MCM3: variants seen among roughly 807,000 people sequenced by gnomAD.
MCM3 encodes the protein minichromosome maintenance complex component 3, also known as DNA replication licensing factor MCM3.
A neutral mutation model predicts 91.3 loss-of-function variants in MCM3; 59 were observed. That is an observed-to-expected ratio of 0.65 (90% CI 0.52 to 0.80). The LOEUF (loss-of-function observed/expected upper bound fraction) is 0.80, where lower values mean the gene tolerates loss of function less well. MCM3 is among the 30% of genes least tolerant of loss of function. The pLI is 0.00. For missense variants in MCM3, 919 were observed against 1,035.4 expected (o/e 0.89, Z 1.54); for synonymous variants, 383 against 379.6 (o/e 1.01, Z -0.10).
intron 4 of MCM3, among the ~76,000 whole-genome samples, chr6:52,280,505 A>G (rs548960436): frequency 1.6e-4 from 25 of 152,322 alleles, no homozygotes; most frequent in Admixed American, 1.4e-3. Context: ...ACTAGGAGAG[A>G]TTAAGTAAGT....
At chr6:52,284,464 G>T in intron 1 of MCM3, 133 bp downstream of exon 1, 3 of 723,270 alleles carry the variant, frequency 4.1e-6, no homozygotes, top group Non-Finnish European at 6.6e-6. Context: ...ACAAGATTGG[G>T]GCTGGAGGCT....
chr6:52,265,041 G>A (rs1394806352), intron 16 of MCM3, among the ~76,000 whole-genome samples: 1 of 152,142 alleles, frequency 6.6e-6, no homozygotes, highest in Non-Finnish European at 1.5e-5. Flanking sequence ...GTCAATGCGG[G>A]ACAATTTAAC....
In MCM3 at chr6:52,277,589, G is replaced by A. The variant is rs776800669; in HGVS notation, c.979C>T (p.Arg327Ter). ...ATGTGGCTGCCATTTTCTAGGTCTCGTTCCACCCCTCCCAAGAGCAAGCAG... is the reference window on the plus strand; with the variant it reads ...ATGTGGCTGCCATTTTCTAGGTCTCATTCCACCCCTCCCAAGAGCAAGCAG... Reference protein sequence around the residue: ...ILCLLLGGVERDLENGSHIRG... With the variant: ...ILCLLLGGVE Residue 327 changes from arginine (R) to a stop codon, truncating the protein, a stop_gained, in exon 7 of 17, where the codon CGA (arginine) becomes TGA (stop). Coordinates refer to ENST00000596288, the MANE Select transcript of MCM3 (RefSeq NM_002388.6). LOFTEE classifies it high-confidence loss of function. The A allele has an allele frequency of 5.0e-6, 8 of 1,613,908 alleles. No individual in the cohort carries two copies. Among genetic ancestry groups the A allele is most frequent in the East Asian group, 2.2e-5 (1 of 44,864 alleles).
At chr6:52,266,566 G>T in intron 15 of MCM3, 45 bp downstream of exon 15, 1 of 1,550,282 alleles carries the variant, frequency 6.5e-7, no homozygotes, top group South Asian at 1.1e-5. Flanking sequence ...AAAAGTCCAA[G>T]AGTCACAGGA....
At chr6:52,268,484 T>C (rs944006347) in intron 13 of MCM3, among the ~76,000 whole-genome samples, 1 of 151,746 alleles carries the variant, frequency 6.6e-6, no homozygotes, top group African/African-American at 2.4e-5. Context: ...CAAGGAAGAG[T>C]TTATTAGACT....
In MCM3 at chr6:52,284,512, G is replaced by A. The variant is rs1298371407; in HGVS notation, c.78+85C>T. ...GCTCCGCTGCGGCACACGGTCTGGA[G>A]GTCTGGCGGGCCTCTGGCTTCCCGG... On this transcript the variant is annotated intron_variant, in intron 1 of 16. Coordinates refer to ENST00000596288, the MANE Select transcript of MCM3 (RefSeq NM_002388.6). The A allele has an allele frequency of 6.2e-6, 8 of 1,282,328 alleles. No homozygotes were observed. The South Asian group carries it at 7.9e-5, about 13-fold the overall frequency. 79.4% of individuals were successfully genotyped at this position (1,282,328 alleles called of 1,614,324 possible).
intron 16 of MCM3, among the ~76,000 whole-genome samples, chr6:52,265,574 A>T (rs1764580493): frequency 6.6e-6 from 1 of 152,140 alleles, no homozygotes; most frequent in African/African-American, 2.4e-5. Flanking sequence ...TGTGTTTCAA[A>T]TTTTTTTCAG....
At chr6:52,279,233 C>A in intron 5 of MCM3, 128 bp downstream of exon 5, 1 of 770,590 alleles carries the variant, frequency 1.3e-6, no homozygotes, top group Non-Finnish European at 2.1e-6. Context: ...GGTATCCTGT[C>A]TCCCAGGCAG....
At chr6:52,269,031 T>A in intron 13 of MCM3, 55 bp downstream of exon 13, 1 of 1,549,108 alleles carries the variant, frequency 6.5e-7, no homozygotes, top group Admixed American at 1.8e-5. Context: ...GGGAAGCCCA[T>A]GCATCTGTAA....
Position 52,273,752 on chromosome 6 carries a change from C to A in MCM3, c.1539G>T (p.Gln513His). 6.2e-7 allele frequency: 1 copy of A among 1,610,290 alleles called. No homozygotes were observed. Among genetic ancestry groups the A allele is most frequent in the Non-Finnish European group, 8.5e-7 (1 of 1,178,290 alleles). Reference sequence around the variant, plus strand: ...TTCTTATGGCCTCACCATCGCCATCCTGCTCCCCAGGTGCTCTGTAACGGT... The same window carrying A: ...TTCTTATGGCCTCACCATCGCCATCATGCTCCCCAGGTGCTCTGTAACGGT... ...RMHRYRAPGE[Q>H]DGDAMPLGSA... The change falls in exon 10 of 17, where the codon CAG (glutamine) becomes CAT (histidine). Residue 513 changes from glutamine (Q) to histidine (H), a missense_variant. By Grantham distance (24) the Gln-to-His change is conservative. Transcript: ENST00000596288.
At chr6:52,268,035 C>G in intron 13 of MCM3, 67 bp from the exon 14 acceptor site, 1 of 1,611,394 alleles carries the variant, frequency 6.2e-7, no homozygotes. Context: ...ATCAAGAACT[C>G]CCAGTCCCTT....
chr6:52,264,898 T>A, intron 16 of MCM3, 112 bp from the exon 17 acceptor site: 3 of 863,190 alleles, frequency 3.5e-6, no homozygotes, highest in Non-Finnish European at 3.7e-6. Flanking sequence ...GTCCCCTCAA[T>A]ATTCTTTCTC....
rs147282420 is a variant in MCM3 at position 52,280,040 on chromosome 6, T to C, written c.532-441A>G. Reference sequence around the variant, plus strand: ...ACGGTATATTCACATAAATGAATACTATACAGCAATAAAAATGTATGAAAC... The same window carrying C: ...ACGGTATATTCACATAAATGAATACCATACAGCAATAAAAATGTATGAAAC... On this transcript the variant is annotated intron_variant, in intron 4 of 16. Coordinates refer to ENST00000596288, the MANE Select transcript of MCM3 (RefSeq NM_002388.6). Among the ~76,000 whole-genome samples the C allele has an allele frequency of 5.0e-4, 76 of 152,352 alleles. No homozygotes were observed. In the East Asian group the frequency reaches 5.2e-3, roughly 10 times the overall value.
In MCM3 at chr6:52,276,345, T is replaced by C. The variant is rs1290333243; in HGVS notation, c.1297A>G (p.Ile433Val). The change falls in exon 9 of 17, where the codon ATT becomes GTT. Residue 433 changes from isoleucine to valine, a missense_variant. This residue lies in a region of MCM3 where 233 missense variants were observed against 321.2 expected (regional missense o/e 0.73). Coordinates refer to ENST00000596288, the MANE Select transcript of MCM3 (RefSeq NM_002388.6). ...CGAGCATGGATGCCAGCCTTGGCAA[T>C]GGTCACTCGACCCTGCTCCATCACT... ...HEVMEQGRVT[I>V]AKAGIHARLN... The C allele has an allele frequency of 2.5e-6, 4 of 1,613,908 alleles. No individual in the cohort carries two copies. The South Asian group carries it at 3.3e-5, about 13-fold the overall frequency.
rs757799187 is a variant in MCM3, at chr6:52,279,638, C to G, written c.532-39G>C. 8 of 1,476,236 alleles carry G rather than the reference C, an allele frequency of 5.4e-6. No homozygotes were observed. The Admixed American group carries it at 1.3e-4, about 25-fold the overall frequency. The allele number at this position is 1,476,236 out of a possible 1,614,324, so 91.4% of individuals were successfully genotyped here. On this transcript the variant is annotated intron_variant, in intron 4 of 16. Coordinates refer to ENST00000596288, the MANE Select transcript of MCM3 (RefSeq NM_002388.6). ...CACAGAGGGACAGAGTGATCTCCGT[C>G]CTGTCTTAAAAATGCCACACTCACC...
intron 16 of MCM3, chr6:52,265,160 C>G (rs758250907): frequency 2.4e-5 from 8 of 335,608 alleles, no homozygotes; most frequent in Non-Finnish European, 4.2e-5. Context: ...AAATTTAATA[C>G]TGTTTTACTG....
chr6:52,269,231 G>A lies in MCM3; in HGVS notation c.1828-5C>T. ...TCGGGCTGTAACTGGAGATGTCTAG[G>A]GAAGAAAAGGGAGGATTGCTTATCC... is the stretch of plus-strand genomic sequence containing the variant. On this transcript the variant is annotated splice_polypyrimidine_tract_variant and splice_region_variant and intron_variant, in intron 12 of 16. Transcript: ENST00000596288. 6.2e-7 allele frequency: 1 copy of A among 1,603,812 alleles called. No individual in the cohort carries two copies. The highest frequency in any genetic ancestry group is 8.5e-7 in the Non-Finnish European group (1 of 1,171,776).
intron 14 of MCM3, among the ~76,000 whole-genome samples, chr6:52,267,017 T>C (rs1258348483): frequency 6.6e-6 from 1 of 152,034 alleles, no homozygotes; most frequent in Non-Finnish European, 1.5e-5. Flanking sequence ...CTGTTCCTAC[T>C]ATTTAGCATT....
chr6:52,268,998 GT>G lies in MCM3; in HGVS notation c.1968+87del, dbSNP rs1320071747. ...ACTGCTTTCTGTTGACAATCCAAATGTAGCCGTCAGCCACGGAAGGCTGGGA... is the reference window on the plus strand; with the variant it reads ...ACTGCTTTCTGTTGACAATCCAAATGAGCCGTCAGCCACGGAAGGCTGGGA... On this transcript the variant is annotated intron_variant, in intron 13 of 16. Transcript: ENST00000596288. 140 of 1,399,366 alleles carry G rather than the reference GT, an allele frequency of 1.0e-4. 1 individual carries two copies. In the East Asian group the frequency reaches 3.3e-3, roughly 33 times the overall value. 86.7% of individuals were successfully genotyped at this position (1,399,366 alleles called of 1,614,324 possible).
Sources: gnomAD v4.1 joint callset for allele counts (sites outside exome capture counted in the v4.1 genomes callset) on GRCh38, gnomAD v4.1.1 for gene constraint, gnomAD v4.1.1 regional missense constraint, MANE v1.5 for transcripts, NCBI Gene and HGNC (gene_info 2026-07-23, HGNC 2026-07-21) for gene names.